Variants in NEK5 observed in about 807,000 individuals in gnomAD.
NEK5 encodes the protein NIMA related kinase 5.
A neutral mutation model predicts 109.2 loss-of-function variants in NEK5; 88 were observed. The ratio of observed to expected loss-of-function variants is 0.81; its 90% CI spans 0.68 to 0.96. NEK5 has a LOEUF of 0.96. Ranked by LOEUF, NEK5 falls within the 40% of genes least tolerant of loss-of-function variation. NEK5 has a pLI of 0.00. For missense variants in NEK5, 834 were observed against 920.7 expected (o/e 0.91, Z 1.22); for synonymous variants, 283 against 299.9 (o/e 0.94, Z 0.58).
chr13:52,084,960 G>A (rs576475906), intron 16 of NEK5, among the ~76,000 whole-genome samples: 88 of 152,148 alleles, frequency 5.8e-4, no homozygotes, highest in Non-Finnish European at 8.8e-4. Context: ...TAAATATTTC[G>A]TCTGCCTTGT....
At chr13:52,037,893 A>C (rs1328262804) in intron 23 of NEK5, among the ~76,000 whole-genome samples, 2 of 150,948 alleles carry the variant, frequency 1.3e-5, no homozygotes, top group Non-Finnish European at 3.0e-5. Context: ...ACTGCACTCC[A>C]GCCTGGGCGA....
At chr13:52,083,406 G>A (rs1955055052) in intron 16 of NEK5, 54 bp from the exon 17 acceptor site, 6 of 1,081,968 alleles carry the variant, frequency 5.5e-6, no homozygotes, top group Non-Finnish European at 5.7e-6. Context: ...GAGCTCTGAA[G>A]GCTACTTGGC....
chr13:52,086,913 C>T (rs569990448), intron 15 of NEK5, among the ~76,000 whole-genome samples: 11 of 152,240 alleles, frequency 7.2e-5, no homozygotes, highest in East Asian at 1.9e-4. Context: ...TTGCCAGTGA[C>T]GCACCAGAAG....
intron 23 of NEK5, among the ~76,000 whole-genome samples, chr13:52,047,413 A>T (rs922010458): frequency 6.6e-6 from 1 of 152,220 alleles, no homozygotes; most frequent in Non-Finnish European, 1.5e-5. Flanking sequence ...AGAAGTATAC[A>T]CAAGAAGCAG....
chr13:52,055,662 G>T (rs1221330412), intron 22 of NEK5, among the ~76,000 whole-genome samples: 2 of 151,762 alleles, frequency 1.3e-5, no homozygotes, highest in Non-Finnish European at 2.9e-5. Context: ...TTAAAGAAAA[G>T]AATTTTCAAC....
At chr13:52,125,127 G>A (rs1743856638) in intron 3 of NEK5, among the ~76,000 whole-genome samples, 1 of 152,108 alleles carries the variant, frequency 6.6e-6, no homozygotes, top group Non-Finnish European at 1.5e-5. Context: ...CTTGTTTTTG[G>A]GTACAATTGT....
chr13:52,114,910 C>G (rs972186469), intron 4 of NEK5, among the ~76,000 whole-genome samples: 16 of 152,150 alleles, frequency 1.1e-4, no homozygotes, highest in African/African-American at 3.1e-4. Context: ...ACAGAGGAGA[C>G]ACATTATTTC....
chr13:52,123,307 T>G (rs1336490873), intron 3 of NEK5, among the ~76,000 whole-genome samples: 3 of 152,180 alleles, frequency 2.0e-5, no homozygotes, highest in Non-Finnish European at 2.9e-5. Context: ...TTCTACTTAT[T>G]TATGGCATAG....
chr13:52,043,312 G>A (rs1954429302), intron 23 of NEK5, among the ~76,000 whole-genome samples: 1 of 151,920 alleles, frequency 6.6e-6, no homozygotes, highest in Non-Finnish European at 1.5e-5. Flanking sequence ...GCTGAGGTGG[G>A]TGAATCACAA....
intron 21 of NEK5, among the ~76,000 whole-genome samples, chr13:52,064,398 T>A (rs1400412372): frequency 1.0e-5 from 1 of 97,302 alleles, no homozygotes; most frequent in Non-Finnish European, 2.1e-5. Context: ...GTCCGGGAGG[T>A]GGGGGAGCCA....
At position 52,117,973 on chromosome 13, in the gene NEK5, T is replaced by C. The variant is rs545291597; in HGVS notation, c.214+1346A>G. 3.9e-5 allele frequency among the ~76,000 whole-genome samples: 6 copies of C among 152,308 alleles called. No individual in the cohort carries two copies. The South Asian group carries it at 8.3e-4, about 21-fold the overall frequency. ...GGGCACTTTATTCAGTGGCTTTCCT[T>C]GAAAGTTATTCCATGCAACCCAATT... On this transcript the variant is annotated intron_variant, in intron 4 of 23. Transcript: ENST00000684899.
At chr13:52,039,758 G>A (rs1035899887) in intron 23 of NEK5, among the ~76,000 whole-genome samples, 4 of 151,946 alleles carry the variant, frequency 2.6e-5, no homozygotes, top group Non-Finnish European at 4.4e-5. Flanking sequence ...ACCATCAGTC[G>A]AATTTTAATT....
At chr13:52,055,321 G>C (rs539115712) in intron 22 of NEK5, among the ~76,000 whole-genome samples, 4 of 152,304 alleles carry the variant, frequency 2.6e-5, no homozygotes, top group African/African-American at 7.2e-5. Flanking sequence ...ATCTACGTCT[G>C]ATTGGTGTAC....
At position 52,068,293 on chromosome 13, in the gene NEK5, C is replaced by T. The variant is rs147298153; in HGVS notation, c.1850-2684G>A. ...AGACAAAGAGTTCTGGGTAATACCT[C>T]AGACAACGATACTGCAATATTTATT... is the stretch of plus-strand genomic sequence containing the variant. On this transcript the variant is annotated intron_variant, in intron 20 of 23. Coordinates refer to ENST00000684899, the MANE Select transcript of NEK5 (RefSeq NM_001365552.1). Among the ~76,000 whole-genome samples the T allele has an allele frequency of 4.8e-4, 73 of 152,236 alleles. 2 individuals are homozygous for T. In the East Asian group the frequency reaches 0.012, roughly 25 times the overall value.
intron 19 of NEK5, 38 bp from the exon 20 acceptor site, chr13:52,072,108 A>G: frequency 6.5e-7 from 1 of 1,549,596 alleles, no homozygotes; most frequent in Non-Finnish European, 8.8e-7. Context: ...TAAATTAGCC[A>G]TATTTTGAAA....
At chr13:52,057,795 C>T (rs1441603220) in intron 22 of NEK5, among the ~76,000 whole-genome samples, 2 of 151,958 alleles carry the variant, frequency 1.3e-5, no homozygotes, top group South Asian at 2.1e-4. Flanking sequence ...ATTGATGGGA[C>T]GTATCTCAAA....
At chr13:52,043,572 AG>A (rs1190577936) in intron 23 of NEK5, among the ~76,000 whole-genome samples, 1 of 151,614 alleles carries the variant, frequency 6.6e-6, no homozygotes, top group African/African-American at 2.4e-5. Flanking sequence ...GAAAAAGAAA[AG>A]AAAAAAAAGT....
intron 17 of NEK5, among the ~76,000 whole-genome samples, chr13:52,077,466 G>A (rs1012396635): frequency 1.4e-4 from 21 of 152,268 alleles, no homozygotes; most frequent in Admixed American, 3.3e-4. Context: ...GCCATGGTGC[G>A]GGGATGGGGA....
At position 52,074,726 on chromosome 13, in the gene NEK5, T is replaced by C. The variant is rs544515175; in HGVS notation, c.1722+1032A>G. Among the ~76,000 whole-genome samples, 10 of 152,182 alleles carry C rather than the reference T, an allele frequency of 6.6e-5. No individual in the cohort carries two copies. In the South Asian group the frequency reaches 2.1e-3, roughly 32 times the overall value. On this transcript the variant is annotated intron_variant, in intron 19 of 23. Transcript: ENST00000684899. ...AGAATAGAAGAAAATATTTGCAAACTATGCATCCAACAAAGGTCTAATATC... is the reference window on the plus strand; with the variant it reads ...AGAATAGAAGAAAATATTTGCAAACCATGCATCCAACAAAGGTCTAATATC...
Sources: gnomAD v4.1 joint callset for allele counts (sites outside exome capture counted in the v4.1 genomes callset) on GRCh38, gnomAD v4.1.1 for gene constraint, MANE v1.5 for transcripts, NCBI Gene and HGNC (gene_info 2026-07-23, HGNC 2026-07-21) for gene names.